LMX1B: variants seen among roughly 807,000 people sequenced by gnomAD.
LMX1B encodes LIM homeobox transcription factor 1-beta.
In LMX1B, 12 loss-of-function variants were observed where a neutral mutation model predicts 51.4. The ratio of observed to expected loss-of-function variants is 0.23; its 90% CI spans 0.15 to 0.38. LMX1B has a LOEUF of 0.38. Among genes scored for constraint, LMX1B ranks in the 10% least tolerant of loss-of-function variants. The pLI is 1.00. For synonymous variants in LMX1B, 237 were observed against 235.4 expected (o/e 1.01, Z -0.06); for missense variants, 445 against 571.1 (o/e 0.78, Z 2.25).
intron 2 of LMX1B, among the ~76,000 whole-genome samples, chr9:126,657,232 C>T (rs536305396): frequency 3.3e-5 from 5 of 152,182 alleles, no homozygotes; most frequent in Non-Finnish European, 5.9e-5. Context: ...TAGACATCAC[C>T]AGCTTGGCAA....
intron 1 of LMX1B, 140 bp downstream of exon 1, chr9:126,614,728 G>T (rs949707721): frequency 3.1e-6 from 3 of 972,906 alleles, no homozygotes; most frequent in Non-Finnish European, 4.2e-6. Context: ...AGGACTCCTG[G>T]AGTGATCGCC....
chr9:126,682,083 C>CTTTTTTTTTTTT (rs71377953), intron 2 of LMX1B, among the ~76,000 whole-genome samples: 3 of 53,378 alleles, frequency 5.6e-5, no homozygotes, highest in Admixed American at 2.8e-4. Context: ...TCCCCAGGGT[C>CTTTTTTTTTTTT]TTTTTTTTTT....
At chr9:126,666,211 G>A (rs1227238376) in intron 2 of LMX1B, among the ~76,000 whole-genome samples, 1 of 152,254 alleles carries the variant, frequency 6.6e-6, no homozygotes, top group Non-Finnish European at 1.5e-5. Context: ...GCAGCCCACT[G>A]GAAGATGCTG....
chr9:126,653,142 C>CTTTT (rs5900715), intron 2 of LMX1B, among the ~76,000 whole-genome samples: 7 of 55,396 alleles, frequency 1.3e-4, no homozygotes, highest in African/African-American at 4.3e-4. Context: ...CAAGTAGATG[C>CTTTT]TTTTTTTTTT....
At position 126,673,105 on chromosome 9, in the gene LMX1B, T is replaced by A. The variant is rs1225571710; in HGVS notation, c.327-17731T>A. Among the ~76,000 whole-genome samples the A allele has an allele frequency of 6.6e-6, 1 of 152,222 alleles. No homozygotes were observed. The highest frequency in any genetic ancestry group is 2.4e-5 in the African/African-American group (1 of 41,460). ...AGGCTTGGCACAAGGCTCAGTTTTC[T>A]CATCTGAGAAATGGGAAGACTCATT... On this transcript the variant is annotated intron_variant, in intron 2 of 7. Coordinates refer to ENST00000373474, the MANE Select transcript of LMX1B (RefSeq NM_001174147.2). The surrounding 1 kb of genome is among the most constrained non-coding windows in gnomAD (Gnocchi z 4.4).
intron 2 of LMX1B, among the ~76,000 whole-genome samples, chr9:126,647,559 CCCTTGACTTT>C (rs1353376107): frequency 6.6e-6 from 1 of 152,150 alleles, no homozygotes; most frequent in Non-Finnish European, 1.5e-5. Context: ...GCCTTTTGAC[CCCTTGACTTT>C]CACTCAAATC....
chr9:126,651,212 G>T (rs1197850292), intron 2 of LMX1B, among the ~76,000 whole-genome samples: 1 of 151,846 alleles, frequency 6.6e-6, no homozygotes, highest in Non-Finnish European at 1.5e-5. Context: ...CCTCCATCCC[G>T]GGCAGAGGCT....
chr9:126,672,330 T>TCC (rs1347101043), intron 2 of LMX1B, among the ~76,000 whole-genome samples: 1 of 152,234 alleles, frequency 6.6e-6, no homozygotes, highest in Non-Finnish European at 1.5e-5. Flanking sequence ...ATCAGGGGCC[T>TCC]CCCTCACAGG....
Position 126,693,566 on chromosome 9 carries a change from G to A in LMX1B, c.784G>A (p.Val262Met), listed in dbSNP as rs1588307464. The A allele has an allele frequency of 6.2e-7, 1 of 1,614,144 alleles. No homozygotes were observed. The highest frequency in any genetic ancestry group is 8.5e-7 in the Non-Finnish European group (1 of 1,180,016). The stretch of plus-strand genomic sequence containing the variant: ...AGCTGAGACGGGCCTCAGTGTGCGC[G>A]TGGTCCAGGTCTGGTTTCAGAACCA... ...LAAETGLSVRVVQVWFQNQRA... is the reference protein window; with the variant it reads ...LAAETGLSVRMVQVWFQNQRA... Residue 262 changes from valine (V) to methionine (M), a missense_variant, in exon 5 of 8, where the codon GTG becomes ATG. This residue lies in a region of LMX1B where 10 missense variants were observed against 39.9 expected (regional missense o/e 0.25). Coordinates refer to ENST00000373474, the MANE Select transcript of LMX1B (RefSeq NM_001174147.2).
At chr9:126,682,083 C>CTTTTT (rs71377953) in intron 2 of LMX1B, among the ~76,000 whole-genome samples, 7 of 53,380 alleles carry the variant, frequency 1.3e-4, no homozygotes, top group East Asian at 7.0e-4. Context: ...TCCCCAGGGT[C>CTTTTT]TTTTTTTTTT....
intron 2 of LMX1B, among the ~76,000 whole-genome samples, chr9:126,667,136 G>A (rs1316265480): frequency 6.6e-6 from 1 of 152,204 alleles, no homozygotes; most frequent in East Asian, 1.9e-4. Flanking sequence ...GTTGACAGAT[G>A]CGTAACGTTC....
intron 2 of LMX1B, among the ~76,000 whole-genome samples, chr9:126,676,198 T>C (rs1564163754): frequency 1.3e-5 from 2 of 152,194 alleles, no homozygotes; most frequent in Middle Eastern, 3.2e-3. Flanking sequence ...ATTCTCCTTG[T>C]TTCTCAGGAC....
At chr9:126,666,839 C>T (rs138181071) in intron 2 of LMX1B, among the ~76,000 whole-genome samples, 12 of 151,978 alleles carry the variant, frequency 7.9e-5, no homozygotes, top group African/African-American at 1.2e-4. Context: ...TGCAGAGGGG[C>T]GGCGTGGGAA....
chr9:126,683,338 G>A (rs1175801560), intron 2 of LMX1B, among the ~76,000 whole-genome samples: 1 of 152,190 alleles, frequency 6.6e-6, no homozygotes, highest in African/African-American at 2.4e-5. Context: ...CAAAGCAGAT[G>A]TTTGCAGCTG....
chr9:126,621,650 CT>C (rs1564145889), intron 2 of LMX1B, among the ~76,000 whole-genome samples: 3 of 65,470 alleles, frequency 4.6e-5, no homozygotes, highest in Non-Finnish European at 1.1e-4. Flanking sequence ...CTCTCTCTCT[CT>C]CTTCTTTTTT....
chr9:126,615,341 C>G lies in LMX1B; in HGVS notation c.140-42C>G. On this transcript the variant is annotated intron_variant, in intron 1 of 7. Coordinates refer to ENST00000373474, the MANE Select transcript of LMX1B (RefSeq NM_001174147.2). This position sits in a 1 kb window ranked among gnomAD's most constrained non-coding sequence, Gnocchi z 6.0. ...TGCGACCGGGACGCCGGGGCTGGGC[C>G]GGGCGGCGCTGACGGCCGGGCTTTC... 6.8e-7 allele frequency: 1 copy of G among 1,470,862 alleles called. No homozygotes were observed. 91.1% of individuals were successfully genotyped at this position (1,470,862 alleles called of 1,614,324 possible). A position where few individuals can be genotyped will look rare whatever the true frequency, so the allele number is the denominator to read the frequency against.
At position 126,614,539 on chromosome 9, in the gene LMX1B, G is replaced by A. The variant is rs1444809378; in HGVS notation, c.90G>A (p.Met30Ile). ...CCAAGATGTTGGACGGCATCAAGATGGAGGAGCACGCCCTGCGCCCCGGGC... is the reference window on the plus strand; with the variant it reads ...CCAAGATGTTGGACGGCATCAAGATAGAGGAGCACGCCCTGCGCCCCGGGC... ...DCAKMLDGIK[M>I]EEHALRPGPA... The change falls in exon 1 of 8, where the codon ATG becomes ATA. Residue 30 changes from methionine to isoleucine, a missense_variant. Around this residue, in one of 3 missense-constraint regions of LMX1B, gnomAD observed 273 missense variants for 343.3 expected, o/e 0.80. Coordinates refer to ENST00000373474, the MANE Select transcript of LMX1B (RefSeq NM_001174147.2). The A allele has an allele frequency of 2.5e-6, 4 of 1,604,850 alleles. No individual in the cohort carries two copies. Among genetic ancestry groups the A allele is most frequent in the South Asian group, 1.1e-5 (1 of 89,698 alleles).
At chr9:126,620,580 G>A (rs991464359) in intron 2 of LMX1B, among the ~76,000 whole-genome samples, 6 of 152,202 alleles carry the variant, frequency 3.9e-5, no homozygotes, top group Non-Finnish European at 7.3e-5. Flanking sequence ...GTGGCCAGCT[G>A]TGCTGGGCTC....
At chr9:126,689,083 A>G (rs2030017920) in intron 2 of LMX1B, among the ~76,000 whole-genome samples, 1 of 152,086 alleles carries the variant, frequency 6.6e-6, no homozygotes, top group Non-Finnish European at 1.5e-5. Flanking sequence ...AGAGGAGGCT[A>G]CCTCCCCCAG....
Sources: allele counts gnomAD v4.1 joint callset (sites outside exome capture counted in the v4.1 genomes callset), GRCh38; gene constraint gnomAD v4.1.1; regional missense constraint gnomAD v4.1.1; non-coding constraint Gnocchi (gnomAD v3.1); transcripts MANE v1.5; gene names NCBI Gene and HGNC (gene_info 2026-07-23, HGNC 2026-07-21).